Variants in DYNC2H1 observed in about 807,000 individuals in gnomAD.
The protein encoded by DYNC2H1 is dynein cytoplasmic 2 heavy chain 1, also known as cytoplasmic dynein 2 heavy chain 1.
In DYNC2H1, 410 loss-of-function variants were observed where a neutral mutation model predicts 570.0. The ratio of observed to expected loss-of-function variants is 0.72; its 90% confidence interval spans 0.66 to 0.78. The LOEUF (loss-of-function observed/expected upper bound fraction) is 0.78. DYNC2H1 is among the 30% of genes least tolerant of loss of function. DYNC2H1 has a pLI of 0.00. For missense variants in DYNC2H1, 4,865 were observed against 5,046.4 expected (o/e 0.96, Z 1.09); for synonymous variants, 1,688 against 1,677.6 (o/e 1.01, Z -0.15).
intron 62 of DYNC2H1, among the ~76,000 whole-genome samples, chr11:103,236,096 A>G (rs1227667648): frequency 6.6e-6 from 1 of 151,978 alleles, no homozygotes; most frequent in South Asian, 2.1e-4. Flanking sequence ...GCAATTAAAC[A>G]TTATGTTACT....
intron 84 of DYNC2H1, among the ~76,000 whole-genome samples, chr11:103,427,755 C>T (rs1347318523): frequency 6.6e-6 from 1 of 152,098 alleles, no homozygotes; most frequent in Non-Finnish European, 1.5e-5. Flanking sequence ...TTCTCATGAG[C>T]TTATTACTTC....
Position 103,181,264 on chromosome 11 carries a change from G to A in DYNC2H1, c.6348-493G>A, listed in dbSNP as rs1244965820. Among the ~76,000 whole-genome samples, 1 of 151,538 alleles carries A rather than the reference G, an allele frequency of 6.6e-6. No individual in the cohort carries two copies. Among genetic ancestry groups the A allele is most frequent in the Non-Finnish European group, 1.5e-5 (1 of 67,630 alleles). The stretch of plus-strand genomic sequence containing the variant: ...TTCTAAAGATCTGTATTACAGTTTA[G>A]ATCAGTGCATTTTAAACTCTAATGT... On this transcript the variant is annotated intron_variant, in intron 39 of 88. Coordinates refer to ENST00000375735, the MANE Select transcript of DYNC2H1 (RefSeq NM_001377.3). The surrounding 1 kb of genome is among the most constrained non-coding windows in gnomAD (Gnocchi z 5.0).
chr11:103,155,417 T>C lies in DYNC2H1; in HGVS notation c.3660T>C (p.Pro1220=), dbSNP rs118191062. 0.021 allele frequency: 34,602 copies of C among 1,612,412 alleles called. 461 individuals are homozygous for C. The highest frequency in any genetic ancestry group is 0.026 in the Non-Finnish European group (30,255 of 1,179,012). Residue 1220 remains proline (P), a synonymous_variant, in exon 25 of 89, where the codon CCT becomes CCC. Transcript: ENST00000375735. ...ACCTTTTTCGTCTCCTTGGACTTCC[T>C]AGGGGGACTAGTCTAGAGAAACTAC... is the stretch of plus-strand genomic sequence containing the variant. ...WLDLFRLLGL[P]RGTSLEKLLF... is the part of the protein sequence containing the mutation.
rs10645288 is a variant in DYNC2H1, at chr11:103,431,215, TA to T, written c.12367-4710del. 6.1e-3 allele frequency among the ~76,000 whole-genome samples: 845 copies of T among 138,448 alleles called. 5 individuals carry two copies. Among genetic ancestry groups the T allele is most frequent in the African/African-American group, 0.017 (648 of 37,862 alleles). The allele number at this position is 138,448 out of a possible 152,430, so 90.8% of individuals were successfully genotyped here. ...GATTCAACTTCTCTATCATTTAGTT[TA>T]AAAAAAAAAAAAAAAAACTAAAAAA... On this transcript the variant is annotated intron_variant, in intron 84 of 88. Coordinates refer to ENST00000375735, the MANE Select transcript of DYNC2H1 (RefSeq NM_001377.3).
chr11:103,175,753 A>G (rs567271513), intron 36 of DYNC2H1, among the ~76,000 whole-genome samples: 1 of 152,282 alleles, frequency 6.6e-6, no homozygotes, highest in South Asian at 2.1e-4. Context: ...TTGGAGAGGC[A>G]CCTGAATTTA....
At chr11:103,333,002 CA>C (rs34990087) in intron 82 of DYNC2H1, among the ~76,000 whole-genome samples, 60,519 of 143,572 alleles carry the variant, frequency 0.42, 12,380 homozygotes, top group East Asian at 0.47. Flanking sequence ...GACTCCAACT[CA>C]AAAAAAAAAA....
chr11:103,307,602 A>G, intron 77 of DYNC2H1, 119 bp from the exon 78 acceptor site: 1 of 550,186 alleles, frequency 1.8e-6, no homozygotes, highest in South Asian at 3.2e-5. Flanking sequence ...CCAGAGCATT[A>G]AGAAATACAT....
intron 70 of DYNC2H1, among the ~76,000 whole-genome samples, chr11:103,272,549 G>A (rs1466161271): frequency 1.3e-5 from 2 of 152,128 alleles, no homozygotes; most frequent in Admixed American, 6.5e-5. Flanking sequence ...TTGTGCAGAT[G>A]TACCCTAGAA....
At chr11:103,126,185 T>TAA (rs1858989640) in intron 12 of DYNC2H1, among the ~76,000 whole-genome samples, 1 of 152,226 alleles carries the variant, frequency 6.6e-6, no homozygotes, top group African/African-American at 2.4e-5. Context: ...GCATAGGATA[T>TAA]AAAAATGAAT....
At position 103,133,731 on chromosome 11, in the gene DYNC2H1, A is replaced by G. The variant is rs971445862; in HGVS notation, c.2106+24A>G. ...AGGTATATTTTGTTTATAAAATTGA[A>G]TAAGCTATGAATGATATTATTTAAA... On this transcript the variant is annotated intron_variant, in intron 14 of 88. Coordinates refer to ENST00000375735, the MANE Select transcript of DYNC2H1 (RefSeq NM_001377.3). This position sits in a 1 kb window ranked among gnomAD's most constrained non-coding sequence, Gnocchi z 4.8. The G allele has an allele frequency of 5.2e-6, 8 of 1,546,020 alleles. No homozygotes were observed. The highest frequency in any genetic ancestry group is 1.4e-5 in the African/African-American group (1 of 72,340).
intron 18 of DYNC2H1, among the ~76,000 whole-genome samples, chr11:103,144,750 T>G (rs1402308394): frequency 6.6e-6 from 1 of 152,068 alleles, no homozygotes; most frequent in Middle Eastern, 3.4e-3. Flanking sequence ...TAAACAGGAG[T>G]GTGTCAGTAC....
At chr11:103,457,891 A>T (rs1382897520) in intron 87 of DYNC2H1, among the ~76,000 whole-genome samples, 5 of 152,176 alleles carry the variant, frequency 3.3e-5, no homozygotes, top group African/African-American at 1.2e-4. Flanking sequence ...AATTTTTTTA[A>T]CTTTTTGACT....
chr11:103,362,899 T>C (rs2566905), intron 83 of DYNC2H1, among the ~76,000 whole-genome samples: 102,350 of 151,318 alleles, frequency 0.68, 34,666 homozygotes, highest in Admixed American at 0.73. Flanking sequence ...GGCATGGTGG[T>C]GCACACCTGT....
At position 103,371,927 on chromosome 11, in the gene DYNC2H1, G is replaced by GTTTTTTTT. The variant is rs60335910; in HGVS notation, c.12156+13586_12156+13593dup. 7.7e-4 allele frequency among the ~76,000 whole-genome samples: 52 copies of GTTTTTTTT among 67,894 alleles called. 1 individual carries two copies. The highest frequency in any genetic ancestry group is 1.2e-3 in the Admixed American group (5 of 4,270). 44.5% of individuals were successfully genotyped at this position (67,894 alleles called of 152,430 possible). On this transcript the variant is annotated intron_variant, in intron 83 of 88. Transcript: ENST00000375735. ...TTTGGTTTCTTCCTTTCCCATTTGG[G>GTTTTTTTT]TTTTTTTTTTTTTTTTTTTTTTTTT...
At position 103,304,637 on chromosome 11, in the gene DYNC2H1, C is replaced by G; in HGVS notation, c.11299C>G (p.Leu3767Val). The change falls in exon 77 of 89, where the codon CTA becomes GTA. Residue 3767 changes from leucine (L) to valine (V), a missense_variant. Physicochemically the swap from Leu to Val is conservative, Grantham distance 32. Around this residue, in one of 5 missense-constraint regions of DYNC2H1, gnomAD observed 2,401 missense variants for 2,454.6 expected, o/e 0.98. Transcript: ENST00000375735. ...TCAAGCTGATTTAGCAATTCAAATGCTAAAAGAATGTGCCCGCAATGGAGA... is the reference window on the plus strand; with the variant it reads ...TCAAGCTGATTTAGCAATTCAAATGGTAAAAGAATGTGCCCGCAATGGAGA... ...QGQADLAIQM[L>V]KECARNGDWL... is the part of the protein sequence containing the mutation. 6.2e-7 allele frequency: 1 copy of G among 1,613,228 alleles called. No individual in the cohort carries two copies. Among genetic ancestry groups the G allele is most frequent in the Non-Finnish European group, 8.5e-7 (1 of 1,179,486 alleles).
chr11:103,124,080 A>G (rs1184371770), intron 11 of DYNC2H1, among the ~76,000 whole-genome samples: 3 of 152,134 alleles, frequency 2.0e-5, no homozygotes, highest in Non-Finnish European at 1.5e-5. Context: ...AATAAGCTGA[A>G]TACTTTTGTT....
intron 84 of DYNC2H1, among the ~76,000 whole-genome samples, chr11:103,419,954 A>T (rs1419820650): frequency 6.6e-6 from 1 of 152,186 alleles, no homozygotes; most frequent in Non-Finnish European, 1.5e-5. Flanking sequence ...AACCTGATGA[A>T]GATGAAAAAC....
chr11:103,111,187 T>C (rs2134673848), intron 1 of DYNC2H1, among the ~76,000 whole-genome samples: 1 of 152,342 alleles, frequency 6.6e-6, no homozygotes, highest in Non-Finnish European at 1.5e-5. Flanking sequence ...ATTCTTAGGT[T>C]TAATTCGATT....
intron 74 of DYNC2H1, 92 bp downstream of exon 74, chr11:103,286,478 G>C (rs1565463933): frequency 6.9e-7 from 1 of 1,442,866 alleles, no homozygotes; most frequent in Non-Finnish European, 9.4e-7. Flanking sequence ...CTTTTAGAGT[G>C]TTACTTTACC....
Sources: gnomAD v4.1 joint callset for allele counts (sites outside exome capture counted in the v4.1 genomes callset) on GRCh38, gnomAD v4.1.1 for gene constraint, gnomAD v4.1.1 regional missense constraint, Gnocchi (gnomAD v3.1) non-coding constraint, MANE v1.5 for transcripts, NCBI Gene and HGNC (gene_info 2026-07-23, HGNC 2026-07-21) for gene names.